GLIS3: variants seen among roughly 807,000 people sequenced by gnomAD.
GLIS3 encodes GLIS family zinc finger 3.
A neutral mutation model predicts 78.6 loss-of-function variants in GLIS3; 53 were observed. The observed-to-expected ratio is 0.67, with a 90% confidence interval of 0.54 to 0.85. The LOEUF (loss-of-function observed/expected upper bound fraction) is 0.85, where lower values mean the gene tolerates loss of function less well. GLIS3 is among the 40% of genes least tolerant of loss of function. The pLI, the probability that GLIS3 is intolerant of heterozygous loss-of-function variation, is 0.00. For synonymous variants in GLIS3, 684 were observed against 509.9 expected (o/e 1.34, Z -4.60); for missense variants, 1,703 against 1,231.1 (o/e 1.38, Z -5.74).
chr9:4,006,586 T>C (rs1821572281), intron 4 of GLIS3, among the ~76,000 whole-genome samples: 1 of 152,166 alleles, frequency 6.6e-6, no homozygotes, highest in African/African-American at 2.4e-5. Context: ...TAGCCCTTTA[T>C]ATGCATTAAG....
rs777378754 is a variant in GLIS3, at chr9:4,286,038, C to T, written c.388G>A (p.Gly130Arg). The change falls in exon 2 of 11, where the codon GGG becomes AGG. Residue 130 changes from glycine (G) to arginine (R), a missense_variant and splice_region_variant. Gly to Arg is a moderately radical substitution (Grantham distance 125). Transcript: ENST00000381971. ...AAAGGTTCCAGAAAGACAATCCTAC[C>T]TTTCCCAGGATTTGGAGGAAAAGGG... is the stretch of plus-strand genomic sequence containing the variant. ...GSPFPPNPGK[G>R]ALGFGPQCKS... The T allele has an allele frequency of 6.2e-6, 10 of 1,614,102 alleles. No individual in the cohort carries two copies. The South Asian group carries it at 7.7e-5, about 12-fold the overall frequency.
At chr9:4,233,455 G>C (rs903110011) in intron 2 of GLIS3, among the ~76,000 whole-genome samples, 2 of 152,158 alleles carry the variant, frequency 1.3e-5, no homozygotes, top group Non-Finnish European at 2.9e-5. Flanking sequence ...CAGTAACCAG[G>C]TGCATTGTTA....
At chr9:4,354,879 G>A in the GLIS3 span, among the ~76,000 whole-genome samples, 18 of 152,140 alleles carry the variant, frequency 1.2e-4, no homozygotes, top group Admixed American at 2.0e-4. Flanking sequence ...CACTTTGGGA[G>A]GCCGAGGTGG....
At chr9:4,165,464 C>A (rs1835808136) in intron 2 of GLIS3, among the ~76,000 whole-genome samples, 3 of 152,144 alleles carry the variant, frequency 2.0e-5, no homozygotes, top group Admixed American at 6.5e-5. Flanking sequence ...AAACAAAAAA[C>A]CTACATTCTT....
intron 2 of GLIS3, among the ~76,000 whole-genome samples, chr9:4,153,703 G>A (rs1051502339): frequency 1.6e-4 from 24 of 152,176 alleles, no homozygotes; most frequent in African/African-American, 5.8e-4. Flanking sequence ...GATGAAAAGA[G>A]ATCAATAAAT....
Position 4,079,694 on chromosome 9 carries a change from C to G in GLIS3, c.1710+38074G>C, listed in dbSNP as rs1391358751. Among the ~76,000 whole-genome samples the G allele has an allele frequency of 3.3e-5, 5 of 151,458 alleles. 1 individual carries two copies. On this transcript the variant is annotated intron_variant, in intron 4 of 10. Coordinates refer to ENST00000381971, the MANE Select transcript of GLIS3 (RefSeq NM_001042413.2). Reference sequence around the variant, plus strand: ...CTAGCTTAAAATTCTACTTTTAAATCCACTCAAAATAAGGAAAGGCCTTCT... The same window carrying G: ...CTAGCTTAAAATTCTACTTTTAAATGCACTCAAAATAAGGAAAGGCCTTCT...
intron 4 of GLIS3, among the ~76,000 whole-genome samples, chr9:3,990,043 A>G (rs141999471): frequency 2.0e-5 from 3 of 152,362 alleles, no homozygotes; most frequent in Admixed American, 2.0e-4. Context: ...GTGCATGTGA[A>G]TTTACAATTA....
the GLIS3 span, among the ~76,000 whole-genome samples, chr9:4,378,107 A>G: frequency 0.029 from 4,359 of 152,250 alleles, 97 homozygotes; most frequent in South Asian, 0.085. Context: ...TGGAGATAGT[A>G]AAGTAATATA....
At chr9:4,314,037 A>C (rs1401458734) in intron 2 of GLIS3, among the ~76,000 whole-genome samples, 1 of 152,206 alleles carries the variant, frequency 6.6e-6, no homozygotes, top group African/African-American at 2.4e-5. Context: ...ATATTGCCTG[A>C]GTTTAAGCCA....
At chr9:4,385,757 G>GAA in the GLIS3 span, among the ~76,000 whole-genome samples, 52 of 24,074 alleles carry the variant, frequency 2.2e-3, no homozygotes, top group Non-Finnish European at 3.1e-3. Flanking sequence ...AAGAAAGAAA[G>GAA]AAAGAAAGAA....
At chr9:4,295,456 G>T (rs1324632077) in intron 1 of GLIS3, among the ~76,000 whole-genome samples, 2 of 152,134 alleles carry the variant, frequency 1.3e-5, no homozygotes, top group Non-Finnish European at 2.9e-5. Context: ...ATCTTTAAAG[G>T]GGGAGTCCAA....
chr9:4,123,984 G>A (rs1046563817), intron 3 of GLIS3: 3 of 388,526 alleles, frequency 7.7e-6, no homozygotes, highest in Admixed American at 4.5e-5. Context: ...TGTATAAAAC[G>A]CTAAGCTGAT....
intron 2 of GLIS3, among the ~76,000 whole-genome samples, chr9:4,334,405 G>A (rs1431082358): frequency 1.3e-5 from 2 of 152,202 alleles, no homozygotes; most frequent in African/African-American, 4.8e-5. Context: ...GCTGGTGGCT[G>A]GAGAGGCAAG....
chr9:4,218,032 A>G (rs1022445445), intron 2 of GLIS3, among the ~76,000 whole-genome samples: 8 of 152,190 alleles, frequency 5.3e-5, no homozygotes, highest in African/African-American at 1.7e-4. Context: ...TTCTGCTACA[A>G]AAGAGATAGC....
At chr9:4,144,050 A>C (rs576943140) in intron 2 of GLIS3, among the ~76,000 whole-genome samples, 1 of 152,226 alleles carries the variant, frequency 6.6e-6, no homozygotes, top group African/African-American at 2.4e-5. Context: ...ATGTGTCAGC[A>C]TGGTTTGGGG....
chr9:4,374,736 A>G, the GLIS3 span, among the ~76,000 whole-genome samples: 2 of 152,250 alleles, frequency 1.3e-5, no homozygotes, highest in Non-Finnish European at 2.9e-5. Context: ...AAGCAGGCTT[A>G]TAATAAAAAA....
At chr9:3,982,498 T>A (rs1359823853) in intron 4 of GLIS3, among the ~76,000 whole-genome samples, 1 of 152,216 alleles carries the variant, frequency 6.6e-6, no homozygotes, top group Non-Finnish European at 1.5e-5. Context: ...ATTCCTCTTT[T>A]ACAAGTAACC....
At chr9:4,316,982 T>C (rs1011538974) in intron 2 of GLIS3, among the ~76,000 whole-genome samples, 3 of 152,302 alleles carry the variant, frequency 2.0e-5, no homozygotes, top group African/African-American at 7.2e-5. Flanking sequence ...AAAGTCACAG[T>C]GTCTAAGAAC....
At chr9:3,930,367 C>A (rs985683248) in intron 6 of GLIS3, among the ~76,000 whole-genome samples, 6 of 152,154 alleles carry the variant, frequency 3.9e-5, no homozygotes, top group Admixed American at 6.5e-5. Flanking sequence ...CATGAGATTA[C>A]AATACTGCTC....
Sources: gnomAD v4.1 joint callset for allele counts (sites outside exome capture counted in the v4.1 genomes callset) on GRCh38, gnomAD v4.1.1 for gene constraint, MANE v1.5 for transcripts, NCBI Gene and HGNC (gene_info 2026-07-23, HGNC 2026-07-21) for gene names.